Variants in NUDT9 observed in about 807,000 individuals in gnomAD.
The protein encoded by NUDT9 is ADP-ribose pyrophosphatase.
A neutral mutation model predicts 41.0 loss-of-function variants in NUDT9; 31 were observed. The observed-to-expected ratio is 0.76, with a 90% CI of 0.57 to 1.02. The LOEUF is 1.02. Ranked by LOEUF, NUDT9 falls within the 50% of genes least tolerant of loss-of-function variation. NUDT9 has a pLI of 0.00. For missense variants in NUDT9, 380 were observed against 431.4 expected, an observed-to-expected ratio of 0.88 and a Z score of 1.06; for synonymous variants, 146 against 147.6, an observed-to-expected ratio of 0.99 and a Z score of 0.08.
intron 4 of NUDT9, among the ~76,000 whole-genome samples, chr4:87,444,809 G>T (rs1225123763): frequency 6.6e-6 from 1 of 152,200 alleles, no homozygotes; most frequent in Admixed American, 6.5e-5. Context: ...ACAGATAAGA[G>T]AACTGAAGGC....
At chr4:87,432,832 T>A (rs553386417) in intron 1 of NUDT9, among the ~76,000 whole-genome samples, 34 of 152,132 alleles carry the variant, frequency 2.2e-4, no homozygotes, top group Admixed American at 1.4e-3. Flanking sequence ...TATAGAACCA[T>A]CATTGGATTC....
At chr4:87,440,627 C>T (rs1366294718) in intron 3 of NUDT9, among the ~76,000 whole-genome samples, 2 of 152,056 alleles carry the variant, frequency 1.3e-5, no homozygotes, top group South Asian at 2.1e-4. Flanking sequence ...GCGGGTGGAT[C>T]GTGAGGTCAG....
chr4:87,454,554 C>G, intron 7 of NUDT9, 99 bp downstream of exon 7: 1 of 778,316 alleles, frequency 1.3e-6, no homozygotes, highest in Non-Finnish European at 2.2e-6. Flanking sequence ...GCATCTTAAA[C>G]CAATTAACTG....
chr4:87,434,214 T>C (rs796585781), intron 1 of NUDT9: 45 of 152,226 alleles, frequency 3.0e-4, no homozygotes, highest in African/African-American at 1.1e-3. Flanking sequence ...GGCTAATTTT[T>C]GTATCTTTTA....
intron 2 of NUDT9, 68 bp downstream of exon 2, chr4:87,435,288 G>A (rs1721880138): frequency 6.7e-7 from 1 of 1,493,308 alleles, no homozygotes; most frequent in Non-Finnish European, 9.0e-7. Flanking sequence ...TATTTGTAAA[G>A]TATCTTTTTG....
At chr4:87,423,499 A>T (rs7680878) in intron 1 of NUDT9, among the ~76,000 whole-genome samples, 24,852 of 150,786 alleles carry the variant, frequency 0.16, 2,134 homozygotes, top group East Asian at 0.24. Flanking sequence ...TTAGGGATTT[A>T]TGGTGTCTTA....
At chr4:87,444,513 A>G (rs777994992) in intron 4 of NUDT9, among the ~76,000 whole-genome samples, 2 of 152,144 alleles carry the variant, frequency 1.3e-5, no homozygotes, top group African/African-American at 4.8e-5. Context: ...TAGAACCTCT[A>G]TGGTTTAAAT....
intron 4 of NUDT9, among the ~76,000 whole-genome samples, chr4:87,443,911 G>T (rs1011231288): frequency 1.3e-5 from 2 of 152,142 alleles, no homozygotes; most frequent in Non-Finnish European, 2.9e-5. Flanking sequence ...GTTTCAGAAC[G>T]GGGGAGAGGC....
chr4:87,446,487 C>G lies in NUDT9; in HGVS notation c.531-2655C>G, dbSNP rs1722464519. On this transcript the variant is annotated intron_variant, in intron 4 of 7. Transcript: ENST00000302174. ...TGACTTCGTGATCTGCCTGCCTCGG[C>G]CTCTCAAAGTGCTGGGATTACAGGC... Among the ~76,000 whole-genome samples, 3 of 152,208 alleles carry G rather than the reference C, an allele frequency of 2.0e-5. No homozygotes were observed. The South Asian group carries it at 6.2e-4, about 32-fold the overall frequency.
intron 1 of NUDT9, among the ~76,000 whole-genome samples, chr4:87,431,388 G>C (rs1721683645): frequency 6.6e-6 from 1 of 152,138 alleles, no homozygotes; most frequent in Non-Finnish European, 1.5e-5. Flanking sequence ...GATTGTCTTG[G>C]CTATTTGGGG....
chr4:87,429,783 TCTC>T (rs1329718412), intron 1 of NUDT9, among the ~76,000 whole-genome samples: 6 of 150,434 alleles, frequency 4.0e-5, no homozygotes, highest in African/African-American at 1.5e-4. Context: ...TCCTTTTCGT[TCTC>T]CTTCCTTTCT....
chr4:87,433,365 T>G (rs1721771715), intron 1 of NUDT9, among the ~76,000 whole-genome samples: 1 of 152,198 alleles, frequency 6.6e-6, no homozygotes, highest in Non-Finnish European at 1.5e-5. Context: ...ATTTAGAGAG[T>G]ACACACCTTT....
intron 2 of NUDT9, among the ~76,000 whole-genome samples, chr4:87,436,746 A>G (rs368365518): frequency 1.2e-4 from 19 of 152,330 alleles, no homozygotes; most frequent in East Asian, 1.2e-3. Flanking sequence ...AAGAAAATGT[A>G]TGGATCATTG....
At chr4:87,457,793 C>G in intron 7 of NUDT9, 50 bp from the exon 8 acceptor site, 1 of 1,525,506 alleles carries the variant, frequency 6.6e-7, no homozygotes, top group Non-Finnish European at 9.0e-7. Context: ...CATAGATATG[C>G]TAAAACAGAA....
intron 1 of NUDT9, among the ~76,000 whole-genome samples, chr4:87,423,525 TTC>T (rs1177164839): frequency 2.0e-5 from 3 of 152,170 alleles, no homozygotes; most frequent in Non-Finnish European, 4.4e-5. Flanking sequence ...CCTCCTTCTG[TTC>T]TTCCCTTCTC....
At chr4:87,442,303 A>G (rs963415794) in intron 4 of NUDT9, among the ~76,000 whole-genome samples, 1 of 152,212 alleles carries the variant, frequency 6.6e-6, no homozygotes, top group African/African-American at 2.4e-5. Context: ...ATCTAAACAT[A>G]GGGAAAGTAG....
chr4:87,432,301 G>A (rs1263321974), intron 1 of NUDT9, among the ~76,000 whole-genome samples: 1 of 152,142 alleles, frequency 6.6e-6, no homozygotes, highest in East Asian at 1.9e-4. Flanking sequence ...CTTTTATACA[G>A]TATTTTAAAC....
chr4:87,441,718 G>A, intron 3 of NUDT9, 111 bp from the exon 4 acceptor site: 2 of 830,976 alleles, frequency 2.4e-6, no homozygotes, highest in East Asian at 2.7e-5. Flanking sequence ...CATTGGATTT[G>A]TAAGGACTTA....
chr4:87,457,991 G>A lies in NUDT9; in HGVS notation c.1023G>A (p.Glu341=). 6.4e-7 allele frequency: 1 copy of A among 1,573,056 alleles called. No homozygotes were observed. Among genetic ancestry groups the A allele is most frequent in the Non-Finnish European group, 8.6e-7 (1 of 1,164,268 alleles). The change falls in exon 8 of 8, where the codon GAG becomes GAA. Residue 341 remains glutamate (E), a synonymous_variant. Transcript: ENST00000302174. ...VAEKRDAHWS[E]DSEADCHAL Reference sequence around the variant, plus strand: ...AGAAACGAGATGCACACTGGAGCGAGGACTCTGAAGCTGACTGCCATGCGT... The same window carrying A: ...AGAAACGAGATGCACACTGGAGCGAAGACTCTGAAGCTGACTGCCATGCGT...
Sources: allele counts gnomAD v4.1 joint callset (sites outside exome capture counted in the v4.1 genomes callset), GRCh38; gene constraint gnomAD v4.1.1; transcripts MANE v1.5; gene names NCBI Gene and HGNC (gene_info 2026-07-23, HGNC 2026-07-21).